LMX1B: variants seen among roughly 807,000 people sequenced by gnomAD.
LMX1B encodes LIM homeobox transcription factor 1 beta, also known as LIM homeobox transcription factor 1-beta.
In LMX1B, 12 loss-of-function variants were observed where a neutral mutation model predicts 51.4. The observed-to-expected ratio is 0.23, with a 90% CI of 0.15 to 0.38. The LOEUF is 0.38. Among genes scored for constraint, LMX1B ranks in the 10% least tolerant of loss-of-function variants. LMX1B has a pLI of 1.00. For missense variants in LMX1B, 445 were observed against 571.1 expected, an observed-to-expected ratio of 0.78 and a Z score of 2.25; for synonymous variants, 237 against 235.4, an observed-to-expected ratio of 1.01 and a Z score of -0.06.
chr9:126,641,338 C>A lies in LMX1B; in HGVS notation c.326+25769C>A, dbSNP rs1835805415. The A allele has an allele frequency of 1.3e-5, 2 of 152,248 alleles. No homozygotes were observed. The highest frequency in any genetic ancestry group is 2.4e-5 in the African/African-American group (1 of 41,454). 9.4% of individuals were successfully genotyped at this position (152,248 alleles called of 1,614,324 possible). A position where few individuals can be genotyped will look rare whatever the true frequency, so the allele number is the denominator to read the frequency against. ...ACTGTACTAAGTGCCTTGCAACCAT[C>A]ATCTCTCTGCATCCTCAGGAAGCAT... On this transcript the variant is annotated intron_variant, in intron 2 of 7. Coordinates refer to ENST00000373474, the MANE Select transcript of LMX1B (RefSeq NM_001174147.2). This position sits in a 1 kb window ranked among gnomAD's most constrained non-coding sequence, Gnocchi z 4.1.
chr9:126,686,011 T>C (rs987017856), intron 2 of LMX1B, among the ~76,000 whole-genome samples: 1 of 152,060 alleles, frequency 6.6e-6, no homozygotes, highest in African/African-American at 2.4e-5. Flanking sequence ...AGGAAGCCAA[T>C]GTTACTGGAG....
In LMX1B at chr9:126,641,667, G is replaced by A. The variant is rs773877844; in HGVS notation, c.326+26098G>A. On this transcript the variant is annotated intron_variant, in intron 2 of 7. Transcript: ENST00000373474. This position sits in a 1 kb window ranked among gnomAD's most constrained non-coding sequence, Gnocchi z 4.1. ...CAGTCCCTCCGCTGGAACCCACCAC[G>A]CTGCTTGCTGAGCTGCACTGGGGAG... 4.6e-5 allele frequency among the ~76,000 whole-genome samples: 7 copies of A among 152,112 alleles called. No homozygotes were observed. Among genetic ancestry groups the A allele is most frequent in the Non-Finnish European group, 5.9e-5 (4 of 68,012 alleles).
At position 126,690,969 on chromosome 9, in the gene LMX1B, G is replaced by A. The variant is rs2030107259; in HGVS notation, c.460G>A (p.Asp154Asn). ...GTGTGAACGGCAGCTACGCAAGGGC[G>A]ACGAATTCGTGCTCAAGGAGGGCCA... ...CVCERQLRKG[D>N]EFVLKEGQLL... The change falls in exon 3 of 8, where the codon GAC becomes AAC. Residue 154 changes from aspartate to asparagine, a missense_variant. By Grantham distance (23) the Asp-to-Asn change is conservative. Transcript: ENST00000373474. The A allele has an allele frequency of 1.2e-6, 2 of 1,613,944 alleles. No individual in the cohort carries two copies. Among genetic ancestry groups the A allele is most frequent in the African/African-American group, 1.3e-5 (1 of 74,926 alleles).
At chr9:126,645,296 C>T (rs556584178) in intron 2 of LMX1B, among the ~76,000 whole-genome samples, 20 of 152,216 alleles carry the variant, frequency 1.3e-4, no homozygotes, top group Non-Finnish European at 2.6e-4. Flanking sequence ...CCTAGTCAGC[C>T]CTGTGGAGGG....
chr9:126,693,852 T>C (rs1282987892), intron 6 of LMX1B, 40 bp downstream of exon 6: 2 of 968,712 alleles, frequency 2.1e-6, no homozygotes, highest in Non-Finnish European at 3.2e-6. Context: ...CAGGGTGAGC[T>C]GGGGCCGGGG....
chr9:126,696,152 G>A, intron 7 of LMX1B, 142 bp from the exon 8 acceptor site: 1 of 1,148,902 alleles, frequency 8.7e-7, no homozygotes, highest in Non-Finnish European at 1.3e-6. Context: ...GACAGGAAGG[G>A]CCCCAGTCCT....
At chr9:126,681,040 C>T (rs918769709) in intron 2 of LMX1B, among the ~76,000 whole-genome samples, 8 of 152,142 alleles carry the variant, frequency 5.3e-5, no homozygotes, top group Admixed American at 2.6e-4. Context: ...AGGTCTGGTC[C>T]CCACAGAAGC....
intron 2 of LMX1B, among the ~76,000 whole-genome samples, chr9:126,659,076 C>T (rs1306606407): frequency 1.3e-5 from 2 of 152,254 alleles, no homozygotes; most frequent in African/African-American, 4.8e-5. Context: ...TGCAGACGCT[C>T]AGACGCACTC....
chr9:126,695,545 G>A lies in LMX1B; in HGVS notation c.887-294G>A, dbSNP rs184861837. 6.6e-6 allele frequency among the ~76,000 whole-genome samples: 1 copy of A among 152,238 alleles called. No homozygotes were observed. Among genetic ancestry groups the A allele is most frequent in the African/African-American group, 2.4e-5 (1 of 41,474 alleles). ...TGGGACCTTGGTGCTCCCAGATGCA[G>A]CGCAGAATCACTATTGCCTGTGTGG... On this transcript the variant is annotated intron_variant, in intron 6 of 7. Transcript: ENST00000373474. The surrounding 1 kb of genome is among the most constrained non-coding windows in gnomAD (Gnocchi z 5.2).
At chr9:126,652,160 C>T (rs370746673) in intron 2 of LMX1B, among the ~76,000 whole-genome samples, 7 of 152,258 alleles carry the variant, frequency 4.6e-5, no homozygotes, top group African/African-American at 1.4e-4. Flanking sequence ...CCGATTGAAA[C>T]CCAAACCGGA....
intron 2 of LMX1B, among the ~76,000 whole-genome samples, chr9:126,617,323 C>T (rs1011608118): frequency 3.3e-5 from 5 of 151,888 alleles, no homozygotes; most frequent in South Asian, 2.1e-4. Flanking sequence ...CCAGCCTTTA[C>T]GACAACACAT....
intron 2 of LMX1B, among the ~76,000 whole-genome samples, chr9:126,648,459 C>T (rs1176429393): frequency 2.0e-5 from 3 of 152,118 alleles, no homozygotes; most frequent in South Asian, 4.2e-4. Flanking sequence ...GGGCGGGACC[C>T]GGCTTCAAAT....
intron 2 of LMX1B, among the ~76,000 whole-genome samples, chr9:126,659,810 A>T (rs906619542): frequency 4.7e-5 from 6 of 128,418 alleles, no homozygotes; most frequent in African/African-American, 1.2e-4. Flanking sequence ...ATTATCTTGT[A>T]TGTGTGTCTA....
chr9:126,670,385 C>T (rs1212687991), intron 2 of LMX1B, among the ~76,000 whole-genome samples: 1 of 152,224 alleles, frequency 6.6e-6, no homozygotes, highest in Non-Finnish European at 1.5e-5. Context: ...GAGTTGTGTA[C>T]GTACGCATCC....
rs1233843549 is a variant in LMX1B, at chr9:126,626,961, T to G, written c.326+11392T>G. 1.3e-5 allele frequency among the ~76,000 whole-genome samples: 2 copies of G among 152,128 alleles called. No homozygotes were observed. The highest frequency in any genetic ancestry group is 4.8e-5 in the African/African-American group (2 of 41,420). On this transcript the variant is annotated intron_variant, in intron 2 of 7. Transcript: ENST00000373474. The surrounding 1 kb of genome is among the most constrained non-coding windows in gnomAD (Gnocchi z 4.3). ...GTCCGCCGGTCCGTCCGGGCTCCTC[T>G]GCAGGGAAGAGGCCTTGGTCTTGGG...
intron 2 of LMX1B, among the ~76,000 whole-genome samples, chr9:126,683,216 G>A (rs1836709217): frequency 6.6e-6 from 1 of 151,050 alleles, no homozygotes; most frequent in Non-Finnish European, 1.5e-5. Context: ...GCCCCGCGAG[G>A]CCCGCAGAGC....
At chr9:126,661,503 G>A (rs1013412904) in intron 2 of LMX1B, among the ~76,000 whole-genome samples, 5 of 152,192 alleles carry the variant, frequency 3.3e-5, no homozygotes, top group Admixed American at 6.5e-5. Flanking sequence ...TCTGTTTGTG[G>A]GGCAGCAGGA....
Position 126,695,746 on chromosome 9 carries a change from GGGAGTCCCAA to G in LMX1B, c.887-88_887-79del. 6.9e-7 allele frequency: 1 copy of G among 1,452,996 alleles called. No individual in the cohort carries two copies. The highest frequency in any genetic ancestry group is 1.8e-5 in the Admixed American group (1 of 57,028). The allele number at this position is 1,452,996 out of a possible 1,614,324, so 90.0% of individuals were successfully genotyped here. A position where few individuals can be genotyped will look rare whatever the true frequency, so the allele number is the denominator to read the frequency against. ...AGCTTCAGCCAGAGTGGGGTGCCTGGGGAGTCCCAAGGAGATCAGAAGGGGAGGCTGCTGG... is the reference window on the plus strand; with the variant it reads ...AGCTTCAGCCAGAGTGGGGTGCCTGGGGAGATCAGAAGGGGAGGCTGCTGG... On this transcript the variant is annotated intron_variant, in intron 6 of 7. Coordinates refer to ENST00000373474, the MANE Select transcript of LMX1B (RefSeq NM_001174147.2). The surrounding 1 kb of genome is among the most constrained non-coding windows in gnomAD (Gnocchi z 5.2).
Position 126,658,832 on chromosome 9 carries a change from GC to G in LMX1B, c.327-31999del, listed in dbSNP as rs1386623959. On this transcript the variant is annotated intron_variant, in intron 2 of 7. Transcript: ENST00000373474. The surrounding 1 kb of genome is among the most constrained non-coding windows in gnomAD (Gnocchi z 4.0). Reference sequence around the variant, plus strand: ...GAGACCGGGGGTTCAAATTCAGAAAGCCCCCTTGCCTGTATCAGGCCTGGTT... The same window carrying G: ...GAGACCGGGGGTTCAAATTCAGAAAGCCCCTTGCCTGTATCAGGCCTGGTT... Among the ~76,000 whole-genome samples, 13 of 152,208 alleles carry G rather than the reference GC, an allele frequency of 8.5e-5. No homozygotes were observed. The highest frequency in any genetic ancestry group is 1.8e-4 in the Non-Finnish European group (12 of 68,040).
Sources: allele counts gnomAD v4.1 joint callset (sites outside exome capture counted in the v4.1 genomes callset), GRCh38; gene constraint gnomAD v4.1.1; non-coding constraint Gnocchi (gnomAD v3.1); transcripts MANE v1.5; gene names NCBI Gene and HGNC (gene_info 2026-07-23, HGNC 2026-07-21).